The following COL6A6 variants were observed in gnomAD, a reference collection of about 807,000 sequenced individuals.
The protein encoded by COL6A6 is collagen alpha-6(VI) chain.
Under a neutral mutation model 208.6 loss-of-function variants are expected in COL6A6, and 183 were observed. The ratio of observed to expected loss-of-function variants is 0.88; its 90% CI spans 0.78 to 0.99. The LOEUF (loss-of-function observed/expected upper bound fraction) is 0.99. COL6A6 is among the 50% of genes least tolerant of loss of function. COL6A6 has a pLI of 0.00. For missense variants in COL6A6, 2,816 were observed against 2,815.2 expected (o/e 1.00, Z -0.01); for synonymous variants, 973 against 1,011.8 (o/e 0.96, Z 0.73).
At chr3:130,586,789 T>C (rs1235704968) in intron 11 of COL6A6, 129 bp downstream of exon 11, 1 of 818,696 alleles carries the variant, frequency 1.2e-6, no homozygotes, top group Non-Finnish European at 1.8e-6. Flanking sequence ...TATGAATTAG[T>C]GAACAGCCTA....
chr3:130,539,503 G>A (rs1284226027), intron 1 of COL6A6, among the ~76,000 whole-genome samples: 4 of 152,134 alleles, frequency 2.6e-5, no homozygotes, highest in Non-Finnish European at 4.4e-5. Context: ...GTGTGGTGGT[G>A]GGCGCCTATA....
chr3:130,591,138 T>A lies in COL6A6; in HGVS notation c.4272+44T>A, dbSNP rs746697021. ...TTACCTCCATTTATCCCTAAAAACATCTACAATATGAATTTCCTTGAGTCA... is the reference window on the plus strand; with the variant it reads ...TTACCTCCATTTATCCCTAAAAACAACTACAATATGAATTTCCTTGAGTCA... On this transcript the variant is annotated intron_variant, in intron 13 of 36. Transcript: ENST00000358511. 75 of 1,370,354 alleles carry A rather than the reference T, an allele frequency of 5.5e-5. No individual in the cohort carries two copies. The East Asian group carries it at 1.8e-3, about 32-fold the overall frequency. The allele number at this position is 1,370,354 out of a possible 1,614,324, so 84.9% of individuals were successfully genotyped here.
chr3:130,595,038 T>C (rs1341782910), intron 18 of COL6A6, among the ~76,000 whole-genome samples: 1 of 152,162 alleles, frequency 6.6e-6, no homozygotes, highest in East Asian at 1.9e-4. Context: ...GCCAAACCAC[T>C]ATCAGTTCTC....
chr3:130,595,688 A>G (rs2063831809), intron 18 of COL6A6, among the ~76,000 whole-genome samples: 1 of 152,228 alleles, frequency 6.6e-6, no homozygotes, highest in Non-Finnish European at 1.5e-5. Context: ...TGAATATACC[A>G]TGATTTATTT....
chr3:130,568,135 T>A lies in COL6A6; in HGVS notation c.1932T>A (p.Phe644Leu), dbSNP rs770862602. 1 of 1,613,920 alleles carries A rather than the reference T, an allele frequency of 6.2e-7. No homozygotes were observed. Among genetic ancestry groups the A allele is most frequent in the Non-Finnish European group, 8.5e-7 (1 of 1,179,890 alleles). The change falls in exon 6 of 37, where the codon TTT becomes TTA. Residue 644 changes from phenylalanine (F) to leucine (L), a missense_variant. Physicochemically the swap from Phe to Leu is conservative, Grantham distance 22 (BLOSUM62 0). Transcript: ENST00000358511. Reference sequence around the variant, plus strand: ...AAAACTTCAGCAAAATGAAAACATTTATGAAAAACCTGGTGAGCAAGTCTC... The same window carrying A: ...AAAACTTCAGCAAAATGAAAACATTAATGAAAAACCTGGTGAGCAAGTCTC... ...GPENFSKMKT[F>L]MKNLVSKSQI...
chr3:130,573,943 CTCT>C lies in COL6A6; in HGVS notation c.2978-8_2978-6del, dbSNP rs2063229103. The C allele has an allele frequency of 6.4e-7, 1 of 1,552,998 alleles. No individual in the cohort carries two copies. Among genetic ancestry groups the C allele is most frequent in the Non-Finnish European group, 8.9e-7 (1 of 1,128,020 alleles). ...CAATCTGGGTTTTCTGTTGTTCCTTCTCTTCTTTGTAGATTGTGAAATTGACAA... is the reference window on the plus strand; with the variant it reads ...CAATCTGGGTTTTCTGTTGTTCCTTCTCTTTGTAGATTGTGAAATTGACAA... On this transcript the variant is annotated splice_polypyrimidine_tract_variant and intron_variant, in intron 7 of 36. Transcript: ENST00000358511.
intron 11 of COL6A6, among the ~76,000 whole-genome samples, chr3:130,587,086 G>A (rs2063559406): frequency 6.6e-6 from 1 of 152,128 alleles, no homozygotes; most frequent in South Asian, 2.1e-4. Flanking sequence ...TTTAAGATGT[G>A]TATTTTTCCT....
chr3:130,592,903 A>G (rs1440289675), intron 15 of COL6A6, among the ~76,000 whole-genome samples, 158 bp from the exon 16 acceptor site: 16 of 152,074 alleles, frequency 1.1e-4, no homozygotes, highest in Admixed American at 9.8e-4. Flanking sequence ...TTATTTGTTG[A>G]TAGTTTCTAT....
chr3:130,607,995 G>A (rs1400054561), intron 21 of COL6A6, among the ~76,000 whole-genome samples: 3 of 152,164 alleles, frequency 2.0e-5, no homozygotes, highest in Non-Finnish European at 4.4e-5. Context: ...TAGAAATGGT[G>A]CCTTCTTGCT....
rs919667793 is a variant in COL6A6 at position 130,676,897 on chromosome 3, A to G, written c.*1500A>G. The G allele has an allele frequency of 6.6e-6, 1 of 152,238 alleles. No individual in the cohort carries two copies. The highest frequency in any genetic ancestry group is 2.4e-5 in the African/African-American group (1 of 41,466). The allele number at this position is 152,238 out of a possible 1,614,324, so 9.4% of individuals were successfully genotyped here. On this transcript the variant is annotated 3_prime_UTR_variant, in exon 37 of 37. Coordinates refer to ENST00000358511, the MANE Select transcript of COL6A6 (RefSeq NM_001102608.3). ...TTCAAGTACAGGAAATTAATGAGCA[A>G]TATTTACAATGTATTTTAATAAAAG...
chr3:130,621,601 G>T (rs1465217831), intron 23 of COL6A6, among the ~76,000 whole-genome samples: 1 of 152,170 alleles, frequency 6.6e-6, no homozygotes, highest in Admixed American at 6.5e-5. Flanking sequence ...TCACAAGGAA[G>T]CACAATTCTT....
At chr3:130,653,023 A>G (rs1667130665) in intron 33 of COL6A6, among the ~76,000 whole-genome samples, 1 of 152,244 alleles carries the variant, frequency 6.6e-6, no homozygotes, top group Non-Finnish European at 1.5e-5. Context: ...TCATGATAGT[A>G]TGAAGTTGAG....
intron 23 of COL6A6, among the ~76,000 whole-genome samples, chr3:130,618,373 GCA>G (rs1417463079): frequency 6.6e-6 from 1 of 152,198 alleles, no homozygotes; most frequent in Non-Finnish European, 1.5e-5. Flanking sequence ...TTACCACTCA[GCA>G]CAGTGCCTTG....
intron 1 of COL6A6, among the ~76,000 whole-genome samples, chr3:130,546,395 T>C (rs1015164591): frequency 2.6e-5 from 4 of 152,086 alleles, no homozygotes; most frequent in African/African-American, 9.7e-5. Context: ...ATCTTCGAGG[T>C]GAGTGTTTAC....
At chr3:130,530,621 G>C (rs545646935) in intron 1 of COL6A6, among the ~76,000 whole-genome samples, 11 of 152,294 alleles carry the variant, frequency 7.2e-5, no homozygotes, top group African/African-American at 2.6e-4. Flanking sequence ...TTGCCTCACA[G>C]GGTTTTGAAA....
intron 33 of COL6A6, among the ~76,000 whole-genome samples, chr3:130,650,915 A>C (rs893336738): frequency 1.3e-5 from 2 of 152,156 alleles, no homozygotes; most frequent in South Asian, 4.1e-4. Flanking sequence ...GTGGAGGGTG[A>C]CTTCTATTTT....
chr3:130,592,703 G>A lies in COL6A6; in HGVS notation c.4352G>A (p.Arg1451Lys), dbSNP rs1242981489. The change falls in exon 15 of 37, where the codon AGA becomes AAA. Residue 1451 changes from arginine (R) to lysine (K), a missense_variant. By Grantham distance (26) the Arg-to-Lys change is conservative. Coordinates refer to ENST00000358511, the MANE Select transcript of COL6A6 (RefSeq NM_001102608.3). The part of the protein sequence containing the change: ...CYGTKGPKGN[R>K]GLNGQEGEVG... The stretch of plus-strand genomic sequence containing the variant: ...CTGTCCTTTTATTTTCAGGGAAACA[G>A]AGGACTAAATGGACAGGAGGTATGT... 6.2e-7 allele frequency: 1 copy of A among 1,612,738 alleles called. No homozygotes were observed. The highest frequency in any genetic ancestry group is 8.5e-7 in the Non-Finnish European group (1 of 1,179,014).
rs2063192256 is a variant in COL6A6 at position 130,572,561 on chromosome 3, C to A, written c.2977+1168C>A. Among the ~76,000 whole-genome samples the A allele has an allele frequency of 2.0e-5, 3 of 152,138 alleles. 1 individual carries two copies. The South Asian group carries it at 6.2e-4, about 32-fold the overall frequency. On this transcript the variant is annotated intron_variant, in intron 7 of 36. Coordinates refer to ENST00000358511, the MANE Select transcript of COL6A6 (RefSeq NM_001102608.3). Reference sequence around the variant, plus strand: ...TTTTCTTTCACAAAACTAATAAAATCTTTCTGGGTCTTACTGAAAACTGGG... The same window carrying A: ...TTTTCTTTCACAAAACTAATAAAATATTTCTGGGTCTTACTGAAAACTGGG...
intron 1 of COL6A6, among the ~76,000 whole-genome samples, chr3:130,547,454 T>G (rs1204459815): frequency 6.6e-6 from 1 of 152,084 alleles, no homozygotes. Flanking sequence ...CCTCCACACC[T>G]CCCTGCAAGC....
Sources: allele counts gnomAD v4.1 joint callset (sites outside exome capture counted in the v4.1 genomes callset), GRCh38; gene constraint gnomAD v4.1.1; transcripts MANE v1.5; gene names NCBI Gene and HGNC (gene_info 2026-07-23, HGNC 2026-07-21).